WDPCP: variants seen among roughly 807,000 people sequenced by gnomAD.
WDPCP encodes WD repeat-containing and planar cell polarity effector protein fritz homolog.
Under a neutral mutation model 93.1 loss-of-function variants are expected in WDPCP, and 71 were observed. That is an observed-to-expected ratio of 0.76 (90% CI 0.63 to 0.93). The LOEUF (loss-of-function observed/expected upper bound fraction) is 0.93. Among genes scored for constraint, WDPCP ranks in the 40% least tolerant of loss-of-function variants. The pLI, the probability that WDPCP is intolerant of heterozygous loss-of-function variation, is 0.00. For missense variants in WDPCP, 844 were observed against 887.4 expected (o/e 0.95, Z 0.62); for synonymous variants, 315 against 315.0 (o/e 1.00, Z 0.00).
chr2:63,733,357 G>A lies in WDPCP; in HGVS notation n.308+80265C>T, dbSNP rs554801515. On this transcript the variant is annotated intron_variant and non_coding_transcript_variant, in intron 2 of 4. Transcript: ENST00000467687. ...TGGGACTACAGGTGCCCGCCACCGC[G>A]CCCGGCTAATTTTTTGTATTTTTTT... Among the ~76,000 whole-genome samples the A allele has an allele frequency of 6.5e-4, 97 of 149,374 alleles. 1 individual carries two copies. Among genetic ancestry groups the A allele is most frequent in the African/African-American group, 2.1e-3 (87 of 40,680 alleles).
At chr2:63,692,293 TTCTCTC>T (rs1668901065) in intron 2 of WDPCP, among the ~76,000 whole-genome samples, 1 of 151,936 alleles carries the variant, frequency 6.6e-6, no homozygotes, top group Non-Finnish European at 1.5e-5. Context: ...CTTTTTTACA[TTCTCTC>T]TGTGTGTGTA....
chr2:63,282,905 T>A (rs569937214), intron 13 of WDPCP, among the ~76,000 whole-genome samples: 20 of 152,294 alleles, frequency 1.3e-4, no homozygotes, highest in Middle Eastern at 3.4e-3. Context: ...TTAAATCATC[T>A]CTTGATTACT....
chr2:63,174,977 T>C, intron 14 of WDPCP, 145 bp from the exon 15 acceptor site: 1 of 807,294 alleles, frequency 1.2e-6, no homozygotes, highest in Non-Finnish European at 2.0e-6. Context: ...CCTAGTTCCC[T>C]ATGACTTCTG....
intron 1 of WDPCP, among the ~76,000 whole-genome samples, chr2:63,516,283 C>T (rs769294608): frequency 6.6e-6 from 1 of 152,124 alleles, no homozygotes. Flanking sequence ...ACCCATCACC[C>T]TCAAAATTTA....
At chr2:63,285,880 T>C (rs972454926) in intron 13 of WDPCP, among the ~76,000 whole-genome samples, 1 of 152,226 alleles carries the variant, frequency 6.6e-6, no homozygotes, top group Non-Finnish European at 1.5e-5. Context: ...TAAACTTCAC[T>C]GTTAACCAAC....
intron 14 of WDPCP, among the ~76,000 whole-genome samples, chr2:63,225,782 C>G (rs1220877792): frequency 6.6e-6 from 1 of 151,842 alleles, no homozygotes; most frequent in Non-Finnish European, 1.5e-5. Context: ...TGTATTACTA[C>G]AGTATATATA....
chr2:63,588,277 G>A lies in WDPCP; in HGVS notation c.-6C>T, dbSNP rs762128951. ...CAGCAAAACTCTCGCCTCATCACCAGACACTACCCCGGGCAGAAGGTTCCT... is the reference window on the plus strand; with the variant it reads ...CAGCAAAACTCTCGCCTCATCACCAAACACTACCCCGGGCAGAAGGTTCCT... On this transcript the variant is annotated 5_prime_UTR_variant, in exon 1 of 18. Coordinates refer to ENST00000272321, the MANE Select transcript of WDPCP (RefSeq NM_015910.7). 6.4e-7 allele frequency: 1 copy of A among 1,571,798 alleles called. No homozygotes were observed. The highest frequency in any genetic ancestry group is 1.2e-5 in the South Asian group (1 of 85,994).
chr2:63,153,391 GC>G, intron 16 of WDPCP, 103 bp downstream of exon 16: 1 of 858,686 alleles, frequency 1.2e-6, no homozygotes, highest in Non-Finnish European at 1.8e-6. Context: ...AACTAGAAAT[GC>G]TCAGAGTTTT....
chr2:63,606,986 G>T, intron 3 of WDPCP: 1 of 1,610,084 alleles, frequency 6.2e-7, no homozygotes, highest in South Asian at 1.1e-5. Flanking sequence ...TCCTCTGCCT[G>T]ACTAGACAAT....
At chr2:63,184,003 C>T (rs1674442006) in intron 14 of WDPCP, among the ~76,000 whole-genome samples, 1 of 152,030 alleles carries the variant, frequency 6.6e-6, no homozygotes. Context: ...TACCTTCAGG[C>T]TATAAGAATC....
intron 13 of WDPCP, 119 bp downstream of exon 13, chr2:63,313,129 A>T: frequency 1.1e-6 from 1 of 891,628 alleles, no homozygotes; most frequent in Non-Finnish European, 1.8e-6. Context: ...AAGATGGAAT[A>T]ATGCTTTCCC....
intron 2 of WDPCP, among the ~76,000 whole-genome samples, chr2:63,676,846 T>C (rs1250834021): frequency 6.6e-6 from 1 of 152,002 alleles, no homozygotes; most frequent in African/African-American, 2.4e-5. Flanking sequence ...ACTGGTAAAA[T>C]CTGAATAGGC....
intron 12 of WDPCP, among the ~76,000 whole-genome samples, chr2:63,338,551 TAAAAAA>T (rs373990599): frequency 0.063 from 1,534 of 24,478 alleles, 73 homozygotes; most frequent in South Asian, 0.11. Context: ...AAACTCCATC[TAAAAAA>T]AAAAAAAAAA....
chr2:63,623,616 C>A (rs1362129732), intron 3 of WDPCP, among the ~76,000 whole-genome samples: 1 of 152,010 alleles, frequency 6.6e-6, no homozygotes, highest in Non-Finnish European at 1.5e-5. Context: ...GTAAAGGGAT[C>A]AACACAACAA....
chr2:63,596,243 G>C (rs945838410), intron 3 of WDPCP, among the ~76,000 whole-genome samples: 6 of 152,082 alleles, frequency 3.9e-5, no homozygotes, highest in Admixed American at 1.3e-4. Context: ...TACTCTCCTA[G>C]AAGTTTGCAC....
chr2:63,517,293 A>G (rs1456401203), intron 1 of WDPCP, among the ~76,000 whole-genome samples: 2 of 152,030 alleles, frequency 1.3e-5, no homozygotes, highest in African/African-American at 4.8e-5. Flanking sequence ...TATGAATTAG[A>G]TCATTTGTCT....
intron 14 of WDPCP, among the ~76,000 whole-genome samples, chr2:63,238,466 G>A (rs1378029160): frequency 6.6e-6 from 1 of 152,064 alleles, no homozygotes; most frequent in Non-Finnish European, 1.5e-5. Context: ...TGTGTACAAC[G>A]ACTTGGGTAA....
At chr2:63,438,560 G>A (rs1697293285) in intron 7 of WDPCP, among the ~76,000 whole-genome samples, 1 of 152,062 alleles carries the variant, frequency 6.6e-6, no homozygotes, top group African/African-American at 2.4e-5. Context: ...CAATGAAGGG[G>A]TCAATTATTA....
intron 2 of WDPCP, chr2:63,717,575 C>A: frequency 3.8e-6 from 2 of 520,742 alleles, no homozygotes. Flanking sequence ...AAGACTGATT[C>A]ATGGTATACC....
Sources: gnomAD v4.1 joint callset for allele counts (sites outside exome capture counted in the v4.1 genomes callset) on GRCh38, gnomAD v4.1.1 for gene constraint, MANE v1.5 for transcripts, NCBI Gene and HGNC (gene_info 2026-07-23, HGNC 2026-07-21) for gene names.